The following HIVEP3 variants were observed in gnomAD, a reference collection of about 807,000 sequenced individuals.
HIVEP3 encodes the protein transcription factor HIVEP3.
Under a neutral mutation model 152.8 loss-of-function variants are expected in HIVEP3, and 49 were observed. That is an observed-to-expected ratio of 0.32 (90% CI 0.26 to 0.41). HIVEP3 has a LOEUF of 0.41. HIVEP3 is among the 10% of genes least tolerant of loss of function. The pLI, the probability that HIVEP3 is intolerant of heterozygous loss-of-function variation, is 1.00. For synonymous variants in HIVEP3, 1,269 were observed against 1,289.0 expected (o/e 0.98, Z 0.33); for missense variants, 2,790 against 3,103.3 (o/e 0.90, Z 2.40).
intron 3 of HIVEP3, among the ~76,000 whole-genome samples, chr1:41,623,731 C>T (rs1176881916): frequency 6.6e-6 from 1 of 152,226 alleles, no homozygotes; most frequent in African/African-American, 2.4e-5. Flanking sequence ...ACCTGACATC[C>T]AACCCCACGC....
At chr1:41,963,564 T>C (rs1334173055) in intron 1 of HIVEP3, among the ~76,000 whole-genome samples, 4 of 151,882 alleles carry the variant, frequency 2.6e-5, no homozygotes, top group Admixed American at 2.0e-4. Context: ...TTAGGAGATA[T>C]ACCTAATGTA....
At chr1:41,951,791 T>C (rs891511961) in intron 1 of HIVEP3, among the ~76,000 whole-genome samples, 6 of 151,986 alleles carry the variant, frequency 3.9e-5, no homozygotes, top group African/African-American at 1.5e-4. Context: ...CTCACTACCA[T>C]GAGAAAAGCA....
In HIVEP3 at chr1:41,864,097, C is replaced by T. The variant is rs368624915; in HGVS notation, c.-801+54316G>A. ...TCTGCATTTTCCCCTCCTTCCCATC[C>T]GCTCTCCCCTACAGACTCTCTAAAT... On this transcript the variant is annotated intron_variant, in intron 1 of 8. Transcript: ENST00000372583. Among the ~76,000 whole-genome samples the T allele has an allele frequency of 1.2e-4, 19 of 152,272 alleles. No individual in the cohort carries two copies. The East Asian group carries it at 3.7e-3, about 29-fold the overall frequency.
intron 6 of HIVEP3, among the ~76,000 whole-genome samples, chr1:41,522,280 C>T (rs1463001085): frequency 6.6e-6 from 1 of 152,252 alleles, no homozygotes; most frequent in African/African-American, 2.4e-5. Context: ...CTCCCTTCAC[C>T]CCCATACTGC....
At chr1:41,989,595 C>T (rs1020794423) in intron 1 of HIVEP3, among the ~76,000 whole-genome samples, 2 of 152,096 alleles carry the variant, frequency 1.3e-5, no homozygotes, top group Non-Finnish European at 2.9e-5. Context: ...AAAAAGGCAG[C>T]CCTAGCTGCC....
At chr1:42,024,868 T>A (rs961705410) in intron 1 of HIVEP3, among the ~76,000 whole-genome samples, 1 of 152,384 alleles carries the variant, frequency 6.6e-6, no homozygotes, top group East Asian at 1.9e-4. Context: ...AAAGGTACTT[T>A]GTGCATATAA....
At chr1:41,630,470 G>A (rs1645177597) in intron 2 of HIVEP3, among the ~76,000 whole-genome samples, 1 of 152,170 alleles carries the variant, frequency 6.6e-6, no homozygotes, top group South Asian at 2.1e-4. Context: ...CTAATCACAG[G>A]AGAGGAAGTC....
chr1:41,526,559 T>TCA (rs1165680536), intron 5 of HIVEP3, among the ~76,000 whole-genome samples: 2 of 22,108 alleles, frequency 9.0e-5, no homozygotes, highest in Non-Finnish European at 8.6e-5. Context: ...ACCCTCACCC[T>TCA]CACACACCCT....
At chr1:41,767,987 G>A (rs1648117155) in intron 1 of HIVEP3, among the ~76,000 whole-genome samples, 1 of 152,222 alleles carries the variant, frequency 6.6e-6, no homozygotes, top group Admixed American at 6.5e-5. Flanking sequence ...GATTGTAGAT[G>A]TAGATGGCAG....
chr1:41,575,470 C>T, intron 5 of HIVEP3, 74 bp downstream of exon 5: 1 of 1,519,830 alleles, frequency 6.6e-7, no homozygotes, highest in Non-Finnish European at 9.0e-7. Flanking sequence ...TGAGCCACTG[C>T]TGCCCGTGAA....
rs563287004 is a variant in HIVEP3, at chr1:41,709,466, T to C, written c.-800-8471A>G. On this transcript the variant is annotated intron_variant, in intron 1 of 8. Coordinates refer to ENST00000372583, the MANE Select transcript of HIVEP3 (RefSeq NM_024503.5). The stretch of plus-strand genomic sequence containing the variant: ...GGATCCAAGCAGGGCCATTCACGGG[T>C]GGGACAGAGGCAGCCTCCAGGCAGT... 2.6e-5 allele frequency among the ~76,000 whole-genome samples: 4 copies of C among 151,976 alleles called. No individual in the cohort carries two copies. The South Asian group carries it at 6.2e-4, about 24-fold the overall frequency.
At chr1:41,961,193 A>T (rs1645167695) in intron 1 of HIVEP3, among the ~76,000 whole-genome samples, 1 of 152,202 alleles carries the variant, frequency 6.6e-6, no homozygotes, top group Non-Finnish European at 1.5e-5. Flanking sequence ...CGGGGTCCAC[A>T]TGAAAAAGCT....
chr1:41,856,136 G>A (rs371960778), intron 1 of HIVEP3, among the ~76,000 whole-genome samples: 1 of 152,170 alleles, frequency 6.6e-6, no homozygotes, highest in South Asian at 2.1e-4. Context: ...GGAGAGGCCA[G>A]GTATCTGCAT....
In HIVEP3 at chr1:41,662,226, G is replaced by C. The variant is rs1196640904; in HGVS notation, c.-720-33279C>G. On this transcript the variant is annotated intron_variant, in intron 2 of 8. Transcript: ENST00000372583. This position sits in a 1 kb window ranked among gnomAD's most constrained non-coding sequence, Gnocchi z 7.2. ...TGCGCGCCCGGCCTCCGCGCGGCTC[G>C]GCAGCGCCCGCGCGCTCGGCTCCGC... is the stretch of plus-strand genomic sequence containing the variant. 2 of 145,138 alleles carry C rather than the reference G, an allele frequency of 1.4e-5. No individual in the cohort carries two copies. Among genetic ancestry groups the C allele is most frequent in the African/African-American group, 2.5e-5 (1 of 40,588 alleles). The allele number at this position is 145,138 out of a possible 1,614,324, so 9.0% of individuals were successfully genotyped here.
chr1:41,563,841 T>G (rs975417738), intron 5 of HIVEP3, among the ~76,000 whole-genome samples: 3 of 151,976 alleles, frequency 2.0e-5, no homozygotes, highest in African/African-American at 4.8e-5. Context: ...CTTAGAGAGA[T>G]AAGATAGTAG....
At chr1:41,976,773 C>T (rs1329796045) in intron 1 of HIVEP3, among the ~76,000 whole-genome samples, 4 of 152,106 alleles carry the variant, frequency 2.6e-5, no homozygotes, top group African/African-American at 9.7e-5. Flanking sequence ...GAAATGTGAA[C>T]ATAGACACGC....
chr1:41,956,525 T>C (rs1322030710), intron 1 of HIVEP3, among the ~76,000 whole-genome samples: 1 of 152,254 alleles, frequency 6.6e-6, no homozygotes, highest in Non-Finnish European at 1.5e-5. Flanking sequence ...GCCATGCTAA[T>C]GGAGCAGCAG....
chr1:41,776,245 G>A (rs1197360891), intron 1 of HIVEP3, among the ~76,000 whole-genome samples: 1 of 152,214 alleles, frequency 6.6e-6, no homozygotes, highest in South Asian at 2.1e-4. Flanking sequence ...ATTGATGACT[G>A]GGCCCAGAAC....
chr1:41,774,419 G>A (rs558778862), intron 1 of HIVEP3, among the ~76,000 whole-genome samples: 1 of 152,344 alleles, frequency 6.6e-6, no homozygotes, highest in East Asian at 1.9e-4. Context: ...AGTTTAAAGT[G>A]TTAAAGGACT....
Sources: gnomAD v4.1 joint callset for allele counts (sites outside exome capture counted in the v4.1 genomes callset) on GRCh38, gnomAD v4.1.1 for gene constraint, Gnocchi (gnomAD v3.1) non-coding constraint, MANE v1.5 for transcripts, NCBI Gene and HGNC (gene_info 2026-07-23, HGNC 2026-07-21) for gene names.